Variants in MPP4 observed in about 807,000 individuals in gnomAD.
The protein encoded by MPP4 is MAGUK p55 scaffold protein 4.
MPP4 carries 91 observed loss-of-function variants against 98.3 expected under a neutral mutation model. The observed-to-expected ratio is 0.93, with a 90% CI of 0.78 to 1.10. MPP4 has a LOEUF of 1.10. Among genes scored for constraint, MPP4 ranks in the 50% least tolerant of loss-of-function variants. The pLI, the probability that MPP4 is intolerant of heterozygous loss-of-function variation, is 0.00. For synonymous variants in MPP4, 261 were observed against 271.8 expected (o/e 0.96, Z 0.39); for missense variants, 744 against 792.9 (o/e 0.94, Z 0.74).
At chr2:201,658,306 AT>A (rs1367182540) in intron 16 of MPP4, among the ~76,000 whole-genome samples, 170 bp downstream of exon 16, 1 of 152,374 alleles carries the variant, frequency 6.6e-6, no homozygotes, top group Non-Finnish European at 1.5e-5. Context: ...ACAATGAATA[AT>A]TAATGGATCA....
chr2:201,646,840 T>C (rs1165008972), intron 21 of MPP4: 4 of 152,038 alleles, frequency 2.6e-5, no homozygotes, highest in African/African-American at 9.7e-5. Context: ...TTTTGCCAGG[T>C]AAATAAATTC....
chr2:201,691,138 C>G (rs905407064), intron 3 of MPP4, among the ~76,000 whole-genome samples: 1 of 152,186 alleles, frequency 6.6e-6, no homozygotes, highest in African/African-American at 2.4e-5. Flanking sequence ...CAGTGGTGAG[C>G]AAAGGCAATG....
At chr2:201,658,962 T>G (rs1309642992) in intron 15 of MPP4, among the ~76,000 whole-genome samples, 1 of 152,138 alleles carries the variant, frequency 6.6e-6, no homozygotes, top group East Asian at 1.9e-4. Context: ...AATGGCACGA[T>G]CTCGGCCACT....
At chr2:201,687,501 T>A in intron 4 of MPP4, 130 bp from the exon 5 acceptor site, 1 of 643,314 alleles carries the variant, frequency 1.6e-6, no homozygotes, top group East Asian at 2.7e-5. Context: ...TGGAGCCTTC[T>A]TTTTCATCTA....
intron 1 of MPP4, among the ~76,000 whole-genome samples, chr2:201,696,397 G>T (rs896077536): frequency 6.6e-6 from 1 of 152,190 alleles, no homozygotes; most frequent in Non-Finnish European, 1.5e-5. Flanking sequence ...GAGATGGAGT[G>T]CCTGCTAGAG....
intron 18 of MPP4, chr2:201,651,255 AG>A (rs1242461631): frequency 1.0e-6 from 1 of 985,318 alleles, no homozygotes; most frequent in Non-Finnish European, 1.2e-6. Context: ...CCAACCTTCA[AG>A]GGGGTCTAAA....
At position 201,650,064 on chromosome 2, in the gene MPP4, T is replaced by C. The variant is rs2105911179; in HGVS notation, c.1475+8A>G. 1 of 1,552,076 alleles carries C rather than the reference T, an allele frequency of 6.4e-7. No individual in the cohort carries two copies. The highest frequency in any genetic ancestry group is 2.3e-5 in the East Asian group (1 of 42,838). On this transcript the variant is annotated splice_region_variant and intron_variant, in intron 19 of 21. Coordinates refer to ENST00000409474, the MANE Select transcript of MPP4 (RefSeq NM_033066.3). ...AGGTAAGAATCAGCTTCTGAACCTC[T>C]ACTTTACCTGTGACTATATATGAGG... is the stretch of plus-strand genomic sequence containing the variant.
chr2:201,680,958 A>G lies in MPP4; in HGVS notation c.809T>C (p.Phe270Ser). The change falls in exon 10 of 22, where the codon TTC (phenylalanine) becomes TCC (serine). Residue 270 changes from phenylalanine (F) to serine (S), a missense_variant. Coordinates refer to ENST00000409474, the MANE Select transcript of MPP4 (RefSeq NM_033066.3). ...AATCTGGAGGATGTCCCCCTTCTGG[A>G]AAGGCAATCCAGCGTCCATGCAGGG... ...DIPCMDAGLP[F>S]QKGDILQIVD... The G allele has an allele frequency of 6.2e-7, 1 of 1,613,904 alleles. No homozygotes were observed. Among genetic ancestry groups the G allele is most frequent in the Non-Finnish European group, 8.5e-7 (1 of 1,179,874 alleles).
chr2:201,651,478 G>T, intron 18 of MPP4: 1 of 985,318 alleles, frequency 1.0e-6, no homozygotes, highest in East Asian at 1.1e-4. Context: ...ATATTTATAT[G>T]GTAGGTTAAA....
chr2:201,646,673 T>G (rs752503113), intron 21 of MPP4: 3 of 152,096 alleles, frequency 2.0e-5, no homozygotes, highest in African/African-American at 7.2e-5. Context: ...GCAAAAAATA[T>G]GAAAATAAAA....
In MPP4 at chr2:201,693,964, C is replaced by G. The variant is rs10931969; in HGVS notation, c.-10G>C. On this transcript the variant is annotated 5_prime_UTR_variant, in exon 2 of 22. Coordinates refer to ENST00000409474, the MANE Select transcript of MPP4 (RefSeq NM_033066.3). ...TGTCTGACTGTATCATCCTCCCTGCCGGAGCTTCTGAAAGGAATTCAGGAC... is the reference window on the plus strand; with the variant it reads ...TGTCTGACTGTATCATCCTCCCTGCGGGAGCTTCTGAAAGGAATTCAGGAC... The G allele has an allele frequency of 4.0e-5, 64 of 1,613,738 alleles. No individual in the cohort carries two copies. Among genetic ancestry groups the G allele is most frequent in the Non-Finnish European group, 4.9e-5 (58 of 1,179,822 alleles).
At chr2:201,678,632 G>C (rs1470617233) in intron 10 of MPP4, among the ~76,000 whole-genome samples, 1 of 152,080 alleles carries the variant, frequency 6.6e-6, no homozygotes, top group Admixed American at 6.5e-5. Flanking sequence ...CTACCATCCT[G>C]TCTTCACTGA....
At position 201,686,052 on chromosome 2, in the gene MPP4, TG is replaced by T. The variant is rs748627364; in HGVS notation, c.361-3del. On this transcript the variant is annotated splice_polypyrimidine_tract_variant and splice_region_variant and intron_variant, in intron 5 of 21. Coordinates refer to ENST00000409474, the MANE Select transcript of MPP4 (RefSeq NM_033066.3). ...CGTGTCATGGGCACTGAGCAAGGCC[TG>T]GGCACAGGGAAGGAAAAGGTGAGCA... The T allele has an allele frequency of 1.5e-5, 24 of 1,610,940 alleles. No homozygotes were observed. The highest frequency in any genetic ancestry group is 1.7e-4 in the Middle Eastern group (1 of 6,056).
chr2:201,658,468 A>G lies in MPP4; in HGVS notation c.1129+9T>C. The G allele has an allele frequency of 6.2e-7, 1 of 1,610,896 alleles. No individual in the cohort carries two copies. Among genetic ancestry groups the G allele is most frequent in the East Asian group, 2.2e-5 (1 of 44,824 alleles). ...ACAGAGACCCACCTCTTGTTAATTTATCACCTACCTATAAAGAACTTCTGA... is the reference window on the plus strand; with the variant it reads ...ACAGAGACCCACCTCTTGTTAATTTGTCACCTACCTATAAAGAACTTCTGA... On this transcript the variant is annotated intron_variant, in intron 16 of 21. Transcript: ENST00000409474.
At chr2:201,653,780 T>C (rs1020105731) in intron 18 of MPP4, among the ~76,000 whole-genome samples, 1 of 152,060 alleles carries the variant, frequency 6.6e-6, no homozygotes, top group Non-Finnish European at 1.5e-5. Context: ...ATTCCTTCTA[T>C]TTTTAGAATT....
chr2:201,660,347 C>T lies in MPP4; in HGVS notation c.1073-1G>A. On this transcript the variant is annotated splice_acceptor_variant, in intron 14 of 21. Coordinates refer to ENST00000409474, the MANE Select transcript of MPP4 (RefSeq NM_033066.3). LOFTEE classifies it high-confidence loss of function. ...AAACAATTACCTTCTGAAAGTTCCT[C>T]TGGATATTTGGGTAAGTGCAGAAAC... 6.2e-7 allele frequency: 1 copy of T among 1,613,268 alleles called. No homozygotes were observed. Among genetic ancestry groups the T allele is most frequent in the Non-Finnish European group, 8.5e-7 (1 of 1,179,264 alleles).
chr2:201,695,628 T>C (rs720220), intron 1 of MPP4, among the ~76,000 whole-genome samples: 93,546 of 151,734 alleles, frequency 0.62, 29,880 homozygotes, highest in Non-Finnish European at 0.71. Context: ...AGTGAGAGTA[T>C]TTACACACCA....
chr2:201,677,391 A>C (rs908008292), intron 10 of MPP4, among the ~76,000 whole-genome samples: 2 of 152,172 alleles, frequency 1.3e-5, no homozygotes, highest in Non-Finnish European at 2.9e-5. Context: ...TTTGCAATAG[A>C]GTCATTCCAA....
Position 201,680,836 on chromosome 2 carries a change from ACCTCTT to A in MPP4, c.925_929+1del. On this transcript the variant is annotated splice_donor_variant and coding_sequence_variant, in exon 10 of 22. Transcript: ENST00000409474. LOFTEE classifies it high-confidence loss of function. ...GAGTCCAGGAGTGGTGACGTTCCTTACCTCTTCAGAAGGTGGTTAGAAGGGACAAGC... is the reference window on the plus strand; with the variant it reads ...GAGTCCAGGAGTGGTGACGTTCCTTACAGAAGGTGGTTAGAAGGGACAAGC... The A allele has an allele frequency of 6.2e-7, 1 of 1,609,426 alleles. No homozygotes were observed. Among genetic ancestry groups the A allele is most frequent in the Non-Finnish European group, 8.5e-7 (1 of 1,177,046 alleles).
Sources: gnomAD v4.1 joint callset for allele counts (sites outside exome capture counted in the v4.1 genomes callset) on GRCh38, gnomAD v4.1.1 for gene constraint, MANE v1.5 for transcripts, NCBI Gene and HGNC (gene_info 2026-07-23, HGNC 2026-07-21) for gene names.